ACACA: variants seen among roughly 807,000 people sequenced by gnomAD.
The protein encoded by ACACA is acetyl-CoA carboxylase 1.
ACACA carries 103 observed loss-of-function variants against 296.1 expected under a neutral mutation model. The ratio of observed to expected loss-of-function variants is 0.35; its 90% confidence interval spans 0.30 to 0.41. The LOEUF (loss-of-function observed/expected upper bound fraction) is 0.41. Among genes scored for constraint, ACACA ranks in the 10% least tolerant of loss-of-function variants. The probability of loss-of-function intolerance (pLI) is 1.00; values close to 1 mark genes in which losing one functional copy is unlikely to be tolerated. For synonymous variants in ACACA, 953 were observed against 1,038.6 expected (o/e 0.92, Z 1.58); for missense variants, 1,554 against 2,989.7 (o/e 0.52, Z 11.20).
intron 29 of ACACA, among the ~76,000 whole-genome samples, chr17:37,218,040 T>C (rs995063713): frequency 1.3e-5 from 2 of 151,952 alleles, no homozygotes; most frequent in African/African-American, 4.8e-5. Flanking sequence ...GCATAAAATA[T>C]TGTAGTGTAA....
intron 52 of ACACA, among the ~76,000 whole-genome samples, chr17:37,103,585 G>T (rs917532772): frequency 2.0e-5 from 3 of 152,108 alleles, no homozygotes; most frequent in Admixed American, 2.0e-4. Context: ...TGGCTGAGTG[G>T]GAGTAAAAAG....
rs1258679583 is a variant in ACACA, at chr17:37,097,094, C to G, written c.6793G>C (p.Val2265Leu). Residue 2265 changes from valine to leucine, a missense_variant, in exon 54 of 56, where the codon GTC becomes CTC. This residue lies in a region of ACACA where 553 missense variants were observed against 1,043.6 expected (regional missense o/e 0.53). Transcript: ENST00000616317. This position sits in a 1 kb window ranked among gnomAD's most constrained non-coding sequence, Gnocchi z 4.8. ...RLRRLLLEDLVKKKIHNANPE... is the reference protein window; with the variant it reads ...RLRRLLLEDLLKKKIHNANPE... ...TTGGCATTGTGGATTTTCTTCTTGA[C>G]CAGGTCCTCCAGCAGAAGACGCCTC... The G allele has an allele frequency of 1.2e-6, 2 of 1,614,094 alleles. No homozygotes were observed.
chr17:37,402,931 C>T (rs1033380283), intron 1 of ACACA, among the ~76,000 whole-genome samples: 9 of 152,168 alleles, frequency 5.9e-5, no homozygotes, highest in Non-Finnish European at 8.8e-5. Context: ...CTCAGCCTCC[C>T]AAAGTGCTGG....
chr17:37,206,807 G>A lies in ACACA; in HGVS notation c.3924C>T (p.His1308=). 8.1e-6 allele frequency: 13 copies of A among 1,613,080 alleles called. No individual in the cohort carries two copies. The highest frequency in any genetic ancestry group is 1.1e-5 in the Non-Finnish European group (13 of 1,179,080). Residue 1308 remains histidine (H), a synonymous_variant, in exon 32 of 56, where the codon CAC becomes CAT. Coordinates refer to ENST00000616317, the MANE Select transcript of ACACA (RefSeq NM_198834.3). ...CCTTATCCTCATCATAAAGAGACGT[G>A]TGACCTGCCTCAGGGAATGTGGGAC... ...PQSPTFPEAG[H]TSLYDEDKVP... is the part of the protein sequence containing the mutation.
At chr17:37,189,035 T>G (rs1035268306) in intron 38 of ACACA, among the ~76,000 whole-genome samples, 1 of 152,230 alleles carries the variant, frequency 6.6e-6, no homozygotes, top group African/African-American at 2.4e-5. Context: ...GAACATTCTC[T>G]CTAAACAGAG....
At chr17:37,222,710 G>A (rs1828291585) in intron 28 of ACACA, among the ~76,000 whole-genome samples, 1 of 152,148 alleles carries the variant, frequency 6.6e-6, no homozygotes. Context: ...CTACCACAGA[G>A]TACAAATAAA....
intron 14 of ACACA, among the ~76,000 whole-genome samples, chr17:37,256,594 T>C (rs2081239756): frequency 6.6e-6 from 1 of 152,100 alleles, no homozygotes. Context: ...TTGCTGGACA[T>C]GATGGTGCAC....
intron 11 of ACACA, among the ~76,000 whole-genome samples, 153 bp from the exon 12 acceptor site, chr17:37,259,683 C>T (rs985469629): frequency 2.0e-5 from 3 of 152,042 alleles, no homozygotes; most frequent in Non-Finnish European, 4.4e-5. Context: ...TATACAATAT[C>T]CCTGGACAAG....
At chr17:37,186,935 AC>A (rs1159891822) in intron 39 of ACACA, among the ~76,000 whole-genome samples, 4 of 152,208 alleles carry the variant, frequency 2.6e-5, no homozygotes, top group African/African-American at 9.6e-5. Context: ...TGAAGAACAA[AC>A]ATATTTATCA....
At chr17:37,144,960 T>C (rs553073740) in intron 45 of ACACA, among the ~76,000 whole-genome samples, 150 of 152,294 alleles carry the variant, frequency 9.8e-4, no homozygotes, top group Non-Finnish European at 1.5e-3. Context: ...AACCATAAAC[T>C]GCATATTCTT....
At chr17:37,181,719 G>A (rs1330256581) in intron 39 of ACACA, among the ~76,000 whole-genome samples, 1 of 151,822 alleles carries the variant, frequency 6.6e-6, no homozygotes, top group African/African-American at 2.4e-5. Flanking sequence ...CTAACATGGT[G>A]AAACCTTGTC....
intron 49 of ACACA, among the ~76,000 whole-genome samples, chr17:37,122,105 C>A (rs1465897583): frequency 6.6e-6 from 1 of 152,118 alleles, no homozygotes; most frequent in Non-Finnish European, 1.5e-5. Context: ...CCACTGCACT[C>A]CAGCCTGGGC....
intron 41 of ACACA, 52 bp downstream of exon 41, chr17:37,179,208 G>A: frequency 6.2e-7 from 1 of 1,611,274 alleles, no homozygotes; most frequent in East Asian, 2.2e-5. Context: ...ACAGAAAGCT[G>A]GTACTAGTGG....
rs1157866174 is a variant in ACACA, at chr17:37,200,465, G to A, written c.4075C>T (p.His1359Tyr). The A allele has an allele frequency of 6.2e-7, 1 of 1,613,060 alleles. No homozygotes were observed. Among genetic ancestry groups the A allele is most frequent in the African/African-American group, 1.3e-5 (1 of 75,002 alleles). ...AGGAAAGTAAGGCGCCGGATCCCAT[G>A]GTCAACCAGGGTAGCTTTCTAGGAG... ...TQQNKATLVD[H>Y]GIRRLTFLVA... The change falls in exon 34 of 56, where the codon CAT (histidine) becomes TAT (tyrosine). Residue 1359 changes from histidine to tyrosine, a missense_variant. This residue lies in a region of ACACA where 179 missense variants were observed against 283.2 expected (regional missense o/e 0.63). Transcript: ENST00000616317.
At chr17:37,323,586 C>CCAAA (rs1367191767) in intron 3 of ACACA, among the ~76,000 whole-genome samples, 3 of 151,666 alleles carry the variant, frequency 2.0e-5, no homozygotes, top group Non-Finnish European at 4.4e-5. Flanking sequence ...CAGAGTGAGA[C>CCAAA]CAAACAAACA....
intron 45 of ACACA, among the ~76,000 whole-genome samples, chr17:37,136,328 G>C (rs1432607308): frequency 6.6e-6 from 1 of 152,070 alleles, no homozygotes; most frequent in Non-Finnish European, 1.5e-5. Flanking sequence ...TTTGAATCTA[G>C]CTTCTTTCAG....
intron 1 of ACACA, among the ~76,000 whole-genome samples, chr17:37,390,302 A>AATTTTATATATATATATAT (rs1568095743): frequency 5.1e-5 from 2 of 39,464 alleles, no homozygotes; most frequent in Non-Finnish European, 7.6e-5. Context: ...TATTATACAT[A>AATTTTATATATATATATAT]ATTATATATA....
At chr17:37,098,142 G>A (rs1386623586) in intron 52 of ACACA, among the ~76,000 whole-genome samples, 158 bp from the exon 53 acceptor site, 1 of 152,056 alleles carries the variant, frequency 6.6e-6, no homozygotes, top group Non-Finnish European at 1.5e-5. Flanking sequence ...TGATTAACAG[G>A]GCCCTACAAG....
chr17:37,353,622 G>A (rs1347651759), intron 1 of ACACA, among the ~76,000 whole-genome samples: 1 of 103,280 alleles, frequency 9.7e-6, no homozygotes, highest in Non-Finnish European at 1.7e-5. Context: ...CTAGGCGACA[G>A]AGCAAGACTC....
Sources: gnomAD v4.1 joint callset for allele counts (sites outside exome capture counted in the v4.1 genomes callset) on GRCh38, gnomAD v4.1.1 for gene constraint, gnomAD v4.1.1 regional missense constraint, Gnocchi (gnomAD v3.1) non-coding constraint, MANE v1.5 for transcripts, NCBI Gene and HGNC (gene_info 2026-07-23, HGNC 2026-07-21) for gene names.